The following RPS6KA2 variants were observed in gnomAD, a reference collection of about 807,000 sequenced individuals.
RPS6KA2 encodes ribosomal protein S6 kinase A2.
RPS6KA2 carries 42 observed loss-of-function variants against 91.8 expected under a neutral mutation model. The ratio of observed to expected loss-of-function variants is 0.46; its 90% CI spans 0.36 to 0.59. The LOEUF is 0.59. Ranked by LOEUF, RPS6KA2 falls within the 20% of genes least tolerant of loss-of-function variation. The pLI, the probability that RPS6KA2 is intolerant of heterozygous loss-of-function variation, is 0.00. For missense variants in RPS6KA2, 798 were observed against 978.5 expected (o/e 0.82, Z 2.46); for synonymous variants, 414 against 393.6 (o/e 1.05, Z -0.61).
intron 2 of RPS6KA2, among the ~76,000 whole-genome samples, chr6:166,656,553 G>A (rs1225656604): frequency 1.3e-5 from 2 of 152,354 alleles, no homozygotes; most frequent in Admixed American, 6.5e-5. Context: ...AGGTGGGCCC[G>A]GCAGGTGCTC....
chr6:166,593,207 G>A (rs1022271325), intron 1 of RPS6KA2, among the ~76,000 whole-genome samples: 3 of 152,118 alleles, frequency 2.0e-5, no homozygotes, highest in African/African-American at 4.8e-5. Flanking sequence ...GATTCTAAGC[G>A]TTTGGAAGAA....
chr6:166,862,455 C>T (rs1383690173), exon 1 of RPS6KA2: 2 of 1,167,774 alleles, frequency 1.7e-6, no homozygotes, highest in Non-Finnish European at 2.2e-6. Context: ...CCGCTTCCCG[C>T]TCGGGCTGGG....
At chr6:166,801,017 T>C (rs1779351516) in intron 2 of RPS6KA2, among the ~76,000 whole-genome samples, 1 of 152,218 alleles carries the variant, frequency 6.6e-6, no homozygotes, top group African/African-American at 2.4e-5. Context: ...ATGAGAGTGA[T>C]ACTGAGAAAT....
At chr6:166,522,533 G>A (rs743980) in intron 3 of RPS6KA2, among the ~76,000 whole-genome samples, 33,726 of 152,172 alleles carry the variant, frequency 0.22, 4,451 homozygotes, top group African/African-American at 0.37. Context: ...AGACTGAGCC[G>A]ACAGACACAC....
intron 2 of RPS6KA2, among the ~76,000 whole-genome samples, chr6:166,775,700 G>A (rs1278897156): frequency 3.9e-5 from 6 of 152,224 alleles, no homozygotes; most frequent in Admixed American, 3.9e-4. Flanking sequence ...TCTTTCAGAC[G>A]CTTGCTGGCT....
chr6:166,439,572 C>T (rs953612003), intron 14 of RPS6KA2, among the ~76,000 whole-genome samples: 3 of 152,194 alleles, frequency 2.0e-5, no homozygotes, highest in African/African-American at 7.2e-5. Context: ...CTTTGTTGCC[C>T]TGGAGTGGCT....
intron 2 of RPS6KA2, chr6:166,757,675 G>A (rs1034973190): frequency 5.6e-5 from 25 of 448,784 alleles, no homozygotes; most frequent in African/African-American, 1.6e-4. Context: ...GGGCTGCTGC[G>A]CCCGTCCTCG....
intron 7 of RPS6KA2, among the ~76,000 whole-genome samples, chr6:166,498,984 G>A (rs943175682): frequency 1.3e-5 from 2 of 152,180 alleles, no homozygotes; most frequent in Non-Finnish European, 2.9e-5. Context: ...GTGGAGGTGG[G>A]GTGTTGCAGG....
intron 1 of RPS6KA2, among the ~76,000 whole-genome samples, chr6:166,547,891 G>A (rs977435046): frequency 6.6e-6 from 1 of 152,176 alleles, no homozygotes; most frequent in Admixed American, 6.5e-5. Context: ...TTCCATGGTC[G>A]ACCAATAGGC....
intron 1 of RPS6KA2, among the ~76,000 whole-genome samples, chr6:166,543,817 G>A (rs1333658688): frequency 6.6e-6 from 1 of 152,274 alleles, no homozygotes; most frequent in East Asian, 1.9e-4. Flanking sequence ...TGTCCTGAGT[G>A]TGTGCACGTG....
At chr6:166,587,887 G>A (rs1017155378) in intron 1 of RPS6KA2, among the ~76,000 whole-genome samples, 8 of 152,142 alleles carry the variant, frequency 5.3e-5, no homozygotes, top group Admixed American at 4.6e-4. Flanking sequence ...GAAGAACCCC[G>A]AGGAGGTGAG....
intron 2 of RPS6KA2, among the ~76,000 whole-genome samples, chr6:166,853,903 G>A (rs915604955): frequency 6.6e-6 from 1 of 152,228 alleles, no homozygotes; most frequent in Non-Finnish European, 1.5e-5. Flanking sequence ...GGAGAGGCCA[G>A]AGCCTCAGGG....
At chr6:166,467,282 C>A (rs1381348155) in intron 11 of RPS6KA2, among the ~76,000 whole-genome samples, 1 of 151,780 alleles carries the variant, frequency 6.6e-6, no homozygotes, top group African/African-American at 2.4e-5. Flanking sequence ...CATAAAGTGC[C>A]TCCTTTGAGC....
upstream of RPS6KA2, chr6:166,627,385 T>A (rs980388576): frequency 9.4e-6 from 2 of 212,850 alleles, no homozygotes; most frequent in African/African-American, 5.7e-5. Context: ...CAATCAGCGC[T>A]CACCACCCCT....
intron 16 of RPS6KA2, among the ~76,000 whole-genome samples, chr6:166,427,131 G>A (rs1458177747): frequency 2.6e-5 from 4 of 151,980 alleles, no homozygotes; most frequent in African/African-American, 7.3e-5. Flanking sequence ...TCCCTGGGAT[G>A]CAAGGCTGGT....
intron 1 of RPS6KA2, 147 bp from the exon 2 acceptor site, chr6:166,538,931 T>C (rs1201472788): frequency 2.8e-5 from 14 of 508,784 alleles, no homozygotes. Flanking sequence ...CATTTAGTTG[T>C]GTTTTTTTCT....
At chr6:166,678,234 ATTC>A (rs1788672169) in intron 2 of RPS6KA2, among the ~76,000 whole-genome samples, 1 of 152,100 alleles carries the variant, frequency 6.6e-6, no homozygotes, top group Non-Finnish European at 1.5e-5. Context: ...CCCAGCACCC[ATTC>A]TTACTCCAGG....
At chr6:166,497,881 G>A (rs1351882035) in intron 8 of RPS6KA2, among the ~76,000 whole-genome samples, 4 of 152,056 alleles carry the variant, frequency 2.6e-5, no homozygotes, top group African/African-American at 7.2e-5. Flanking sequence ...GCCACGACCC[G>A]ATTGTCATCC....
intron 8 of RPS6KA2, among the ~76,000 whole-genome samples, chr6:166,497,547 T>C (rs1359987347): frequency 2.6e-5 from 4 of 152,228 alleles, no homozygotes; most frequent in African/African-American, 9.6e-5. Context: ...AGCCAGGGCC[T>C]GTGAGCTCCC....
Sources: gnomAD v4.1 joint callset for allele counts (sites outside exome capture counted in the v4.1 genomes callset) on GRCh38, gnomAD v4.1.1 for gene constraint, MANE v1.5 for transcripts, NCBI Gene and HGNC (gene_info 2026-07-23, HGNC 2026-07-21) for gene names.